The following NUAK1 variants were observed in gnomAD, a reference collection of about 807,000 sequenced individuals.
NUAK1 encodes the protein NUAK family SNF1-like kinase 1.
Under a neutral mutation model 56.9 loss-of-function variants are expected in NUAK1, and 26 were observed. The observed-to-expected ratio is 0.46, with a 90% confidence interval of 0.33 to 0.63. NUAK1 has a LOEUF of 0.63. NUAK1 is among the 30% of genes least tolerant of loss of function. The pLI, the probability that NUAK1 is intolerant of heterozygous loss-of-function variation, is 0.02. For missense variants in NUAK1, 727 were observed against 876.1 expected (o/e 0.83, Z 2.15); for synonymous variants, 337 against 336.0 (o/e 1.00, Z -0.03).
intron 2 of NUAK1, among the ~76,000 whole-genome samples, chr12:106,099,351 G>A (rs753949872): frequency 2.6e-5 from 4 of 152,186 alleles, no homozygotes; most frequent in Non-Finnish European, 5.9e-5. Flanking sequence ...TGACCTATGA[G>A]TTTAACAGAT....
chr12:106,091,525 G>A (rs1270439118), intron 2 of NUAK1, among the ~76,000 whole-genome samples: 1 of 152,216 alleles, frequency 6.6e-6, no homozygotes, highest in Non-Finnish European at 1.5e-5. Context: ...GAAGGGAACA[G>A]AGCAGAAACA....
chr12:106,074,532 G>A (rs1306855590), intron 4 of NUAK1, among the ~76,000 whole-genome samples: 1 of 152,072 alleles, frequency 6.6e-6, no homozygotes, highest in Non-Finnish European at 1.5e-5. Flanking sequence ...ATAAACCCCC[G>A]TGTCTCTAAA....
intron 1 of NUAK1, among the ~76,000 whole-genome samples, chr12:106,108,701 A>T (rs549647322): frequency 1.3e-5 from 2 of 152,294 alleles, no homozygotes; most frequent in Non-Finnish European, 2.9e-5. Context: ...CCCTTTGATT[A>T]TGCAGCAAGC....
rs1034627939 is a variant in NUAK1 at position 106,066,684 on chromosome 12, G to C, written c.*118C>G. On this transcript the variant is annotated 3_prime_UTR_variant, in exon 7 of 7. Coordinates refer to ENST00000261402, the MANE Select transcript of NUAK1 (RefSeq NM_014840.3). ...GCTGCAAACTTGGCCAAGTGAGACA[G>C]TGCCAATCCTTTTTCAGTCTGTTGT... 3 of 905,436 alleles carry C rather than the reference G, an allele frequency of 3.3e-6. No individual in the cohort carries two copies. The African/African-American group carries it at 5.0e-5, about 15-fold the overall frequency. The allele number at this position is 905,436 out of a possible 1,614,324, so 56.1% of individuals were successfully genotyped here.
chr12:106,133,502 C>T lies in NUAK1; in HGVS notation c.240+4912G>A, dbSNP rs1448247364. On this transcript the variant is annotated intron_variant, in intron 1 of 6. Coordinates refer to ENST00000261402, the MANE Select transcript of NUAK1 (RefSeq NM_014840.3). The stretch of plus-strand genomic sequence containing the variant: ...CATTGGGTTTCCAAACAAACTCCAT[C>T]CAAACAAACAAACACCATCCAGCTG... 1.1e-4 allele frequency among the ~76,000 whole-genome samples: 16 copies of T among 152,154 alleles called. 1 individual carries two copies. Among genetic ancestry groups the T allele is most frequent in the Admixed American group, 1.0e-3 (16 of 15,278 alleles).
intron 2 of NUAK1, among the ~76,000 whole-genome samples, chr12:106,101,369 C>T (rs2032745771): frequency 6.6e-6 from 1 of 152,216 alleles, no homozygotes; most frequent in African/African-American, 2.4e-5. Context: ...AAAACTCAGG[C>T]GTTGAAGCCC....
At chr12:106,137,060 G>C (rs1349960434) in intron 1 of NUAK1, among the ~76,000 whole-genome samples, 1 of 123,870 alleles carries the variant, frequency 8.1e-6, no homozygotes, top group Non-Finnish European at 1.9e-5. Flanking sequence ...ATTGATAACA[G>C]ATTTTTTTTT....
At position 106,112,117 on chromosome 12, in the gene NUAK1, A is replaced by C. The variant is rs986940520; in HGVS notation, c.241-5592T>G. On this transcript the variant is annotated intron_variant, in intron 1 of 6. Transcript: ENST00000261402. ...GTGAGGTCCCAAAAGGAGGGACTGG[A>C]GGGCTGAGCAGCAGGGAAGAAACAC... Among the ~76,000 whole-genome samples, 65 of 151,924 alleles carry C rather than the reference A, an allele frequency of 4.3e-4. 2 individuals carry two copies. The highest frequency in any genetic ancestry group is 3.7e-3 in the Admixed American group (56 of 15,262).
intron 4 of NUAK1, among the ~76,000 whole-genome samples, chr12:106,077,149 A>G (rs888416232): frequency 6.6e-6 from 1 of 152,230 alleles, no homozygotes; most frequent in Non-Finnish European, 1.5e-5. Flanking sequence ...ATGGTCTAAC[A>G]GTCATCTGCA....
chr12:106,114,631 G>A (rs73397189), intron 1 of NUAK1, among the ~76,000 whole-genome samples: 3,861 of 152,210 alleles, frequency 0.025, 162 homozygotes, highest in African/African-American at 0.087. Flanking sequence ...GTACATACAG[G>A]CCCCAAGTTC....
intron 1 of NUAK1, among the ~76,000 whole-genome samples, chr12:106,125,574 G>GCA (rs1302062800): frequency 2.0e-5 from 3 of 152,138 alleles, no homozygotes; most frequent in African/African-American, 7.2e-5. Context: ...ATAGTGCCTG[G>GCA]CACACACTGA....
chr12:106,133,410 A>T (rs2033098853), intron 1 of NUAK1, among the ~76,000 whole-genome samples: 1 of 152,180 alleles, frequency 6.6e-6, no homozygotes, highest in Non-Finnish European at 1.5e-5. Flanking sequence ...ATTAGCAAAG[A>T]ACCACACCCA....
At chr12:106,122,137 T>TG (rs2032983870) in intron 1 of NUAK1, among the ~76,000 whole-genome samples, 1 of 152,128 alleles carries the variant, frequency 6.6e-6, no homozygotes, top group Non-Finnish European at 1.5e-5. Context: ...TTAAGCTCCT[T>TG]GGGGGCAGGG....
intron 2 of NUAK1, among the ~76,000 whole-genome samples, chr12:106,090,085 C>G (rs1248465776): frequency 1.3e-5 from 2 of 152,150 alleles, no homozygotes; most frequent in East Asian, 3.9e-4. Flanking sequence ...TTTCAATCCT[C>G]CTATTGGCAT....
intron 4 of NUAK1, among the ~76,000 whole-genome samples, chr12:106,076,554 C>A (rs1024504517): frequency 6.6e-6 from 1 of 152,184 alleles, no homozygotes; most frequent in African/African-American, 2.4e-5. Context: ...TCGAAAGGAG[C>A]CCCGGAACTC....
At position 106,131,791 on chromosome 12, in the gene NUAK1, AC is replaced by A. The variant is rs1218796919; in HGVS notation, c.240+6622del. On this transcript the variant is annotated intron_variant, in intron 1 of 6. Transcript: ENST00000261402. ...GGTTTTCACATGCAGTTAAAAGTTT[AC>A]CGAAGAGTTTCGCTGTAAAGCCAAC... 6.6e-5 allele frequency among the ~76,000 whole-genome samples: 10 copies of A among 152,258 alleles called. No homozygotes were observed. In the East Asian group the frequency reaches 1.9e-3, roughly 29 times the overall value.
At chr12:106,073,569 A>T (rs573143332) in intron 4 of NUAK1, among the ~76,000 whole-genome samples, 1 of 152,120 alleles carries the variant, frequency 6.6e-6, no homozygotes, top group Non-Finnish European at 1.5e-5. Flanking sequence ...AAAGAAATCA[A>T]TCGAGATGAG....
intron 1 of NUAK1, among the ~76,000 whole-genome samples, chr12:106,109,006 T>A (rs1036880731): frequency 2.6e-5 from 4 of 152,078 alleles, no homozygotes; most frequent in African/African-American, 7.2e-5. Flanking sequence ...TCCACAAAAA[T>A]TTTCCCTTTT....
In NUAK1 at chr12:106,124,796, G is replaced by C. The variant is rs1041265562; in HGVS notation, c.240+13618C>G. ...AGGCTGAGGCAGGTGGATCGCCTGA[G>C]GTTAGGAGTTTGAGACCAGCCTGTG... On this transcript the variant is annotated intron_variant, in intron 1 of 6. Transcript: ENST00000261402. 3.9e-4 allele frequency among the ~76,000 whole-genome samples: 60 copies of C among 152,072 alleles called. 1 individual carries two copies. The highest frequency in any genetic ancestry group is 1.4e-3 in the African/African-American group (58 of 41,466).
Sources: gnomAD v4.1 joint callset for allele counts (sites outside exome capture counted in the v4.1 genomes callset) on GRCh38, gnomAD v4.1.1 for gene constraint, MANE v1.5 for transcripts, NCBI Gene and HGNC (gene_info 2026-07-23, HGNC 2026-07-21) for gene names.